LINGO1: variants seen among roughly 807,000 people sequenced by gnomAD.
LINGO1 encodes the protein leucine-rich repeat and immunoglobulin-like domain-containing nogo receptor-interacting protein 1.
Under a neutral mutation model 37.3 loss-of-function variants are expected in LINGO1, and 11 were observed. That is an observed-to-expected ratio of 0.29 (90% CI 0.19 to 0.49). LINGO1 has a LOEUF of 0.49. Ranked by LOEUF, LINGO1 falls within the 20% of genes least tolerant of loss-of-function variation. LINGO1 has a pLI of 0.99. For missense variants in LINGO1, 585 were observed against 878.2 expected (o/e 0.67, Z 4.22); for synonymous variants, 387 against 403.0 (o/e 0.96, Z 0.48).
intron 1 of LINGO1, among the ~76,000 whole-genome samples, chr15:77,801,571 A>G (rs1239595969): frequency 6.9e-6 from 1 of 144,966 alleles, no homozygotes; most frequent in African/African-American, 2.6e-5. Flanking sequence ...TCAGAAAAAC[A>G]AAATCAATAA....
intron 1 of LINGO1, among the ~76,000 whole-genome samples, chr15:77,770,784 G>A (rs1481085047): frequency 6.6e-6 from 1 of 152,150 alleles, no homozygotes; most frequent in African/African-American, 2.4e-5. Context: ...ACTGGCCAAG[G>A]CCAGGGACAC....
intron 2 of LINGO1, among the ~76,000 whole-genome samples, chr15:77,713,034 TTTTGTTTG>T (rs1008596868): frequency 7.2e-5 from 11 of 152,076 alleles, no homozygotes; most frequent in South Asian, 2.1e-4. Flanking sequence ...GGTTTTGGTT[TTTTGTTTG>T]TTTGTTTGTT....
intron 2 of LINGO1, among the ~76,000 whole-genome samples, chr15:77,794,639 G>A (rs560632893): frequency 7.5e-5 from 11 of 146,182 alleles, no homozygotes; most frequent in Admixed American, 2.1e-4. Flanking sequence ...CCAGGCTGGA[G>A]TGCAGTGGCG....
intron 1 of LINGO1, among the ~76,000 whole-genome samples, chr15:77,760,499 T>A (rs935711784): frequency 6.6e-6 from 1 of 152,232 alleles, no homozygotes; most frequent in African/African-American, 2.4e-5. Flanking sequence ...CTGGTTTCTC[T>A]TGGAAAAGTT....
intron 2 of LINGO1, among the ~76,000 whole-genome samples, chr15:77,688,745 A>C (rs2075554835): frequency 6.6e-6 from 1 of 152,264 alleles, no homozygotes; most frequent in African/African-American, 2.4e-5. Context: ...ACATGCTGAA[A>C]AACAAAGGAA....
At chr15:77,690,150 T>C (rs2075578669) in intron 2 of LINGO1, among the ~76,000 whole-genome samples, 1 of 152,138 alleles carries the variant, frequency 6.6e-6, no homozygotes, top group South Asian at 2.1e-4. Context: ...TAAGATTCCT[T>C]TGGGAAACGC....
At chr15:77,818,858 C>T (rs1309128492) in intron 1 of LINGO1, among the ~76,000 whole-genome samples, 1 of 151,592 alleles carries the variant, frequency 6.6e-6, no homozygotes, top group East Asian at 2.0e-4. Context: ...TGGAGGCGCA[C>T]CCCTCCGCCC....
chr15:77,619,873 G>A (rs954038461), intron 1 of LINGO1, among the ~76,000 whole-genome samples: 2 of 152,188 alleles, frequency 1.3e-5, no homozygotes, highest in African/African-American at 4.8e-5. Flanking sequence ...GGGAGTGTAC[G>A]GGCTCTGAGA....
At chr15:77,692,510 A>C (rs542747264) in intron 1 of LINGO1, among the ~76,000 whole-genome samples, 4 of 152,356 alleles carry the variant, frequency 2.6e-5, no homozygotes, top group Non-Finnish European at 5.9e-5. Flanking sequence ...TAGCAAGGAA[A>C]AGGTTTTTTA....
At chr15:77,799,127 T>C (rs191640608) in intron 1 of LINGO1, among the ~76,000 whole-genome samples, 69 of 152,270 alleles carry the variant, frequency 4.5e-4, no homozygotes, top group Non-Finnish European at 7.2e-4. Context: ...GGTCTCCTCT[T>C]CCCCAGACCT....
intron 1 of LINGO1, among the ~76,000 whole-genome samples, chr15:77,806,445 G>C (rs2076960332): frequency 6.6e-6 from 1 of 152,128 alleles, no homozygotes; most frequent in Non-Finnish European, 1.5e-5. Flanking sequence ...CAGCAGCCTG[G>C]GTTCAAATCC....
intron 1 of LINGO1, among the ~76,000 whole-genome samples, chr15:77,777,464 C>CTTTT (rs748647290): frequency 4.2e-5 from 5 of 118,706 alleles, no homozygotes; most frequent in African/African-American, 2.1e-4. Context: ...TATACACACA[C>CTTTT]GCACACACAC....
rs2076225679 is a variant in LINGO1 at position 77,738,583 on chromosome 15, A to G, written c.-256-3530T>C. Among the ~76,000 whole-genome samples, 4 of 152,238 alleles carry G rather than the reference A, an allele frequency of 2.6e-5. No individual in the cohort carries two copies. The South Asian group carries it at 8.3e-4, about 32-fold the overall frequency. ...TTTCTAAGCATTTCCTCCGCCTGAC[A>G]TTATATTGTCTATTTATGTGTGGCC... is the stretch of plus-strand genomic sequence containing the variant. On this transcript the variant is annotated intron_variant, in intron 1 of 3. Transcript: ENST00000561686.
intron 1 of LINGO1, among the ~76,000 whole-genome samples, chr15:77,782,453 C>T (rs2076729230): frequency 6.6e-6 from 1 of 152,174 alleles, no homozygotes; most frequent in East Asian, 1.9e-4. Flanking sequence ...TGAGATGACC[C>T]ACATATTAGG....
At chr15:77,780,971 G>C (rs1277269632) in intron 1 of LINGO1, among the ~76,000 whole-genome samples, 2 of 152,078 alleles carry the variant, frequency 1.3e-5, no homozygotes, top group African/African-American at 4.8e-5. Flanking sequence ...AGATGAAGAA[G>C]TCAAGGAGAG....
intron 3 of LINGO1, among the ~76,000 whole-genome samples, chr15:77,644,203 GTC>G (rs1482382350): frequency 6.6e-6 from 1 of 152,202 alleles, no homozygotes; most frequent in Non-Finnish European, 1.5e-5. Flanking sequence ...TGTGTGTGGT[GTC>G]TCTGTCGTGT....
At chr15:77,746,561 G>A (rs2076316791) in intron 1 of LINGO1, among the ~76,000 whole-genome samples, 1 of 152,182 alleles carries the variant, frequency 6.6e-6, no homozygotes, top group Non-Finnish European at 1.5e-5. Context: ...TTGCCCCCAT[G>A]CCACAGAAGT....
At chr15:77,773,633 C>A (rs2076607593) in intron 1 of LINGO1, among the ~76,000 whole-genome samples, 1 of 152,158 alleles carries the variant, frequency 6.6e-6, no homozygotes, top group Non-Finnish European at 1.5e-5. Context: ...CACAAGCGAC[C>A]CTGGAGACAG....
chr15:77,714,298 G>C (rs58801068), intron 2 of LINGO1, among the ~76,000 whole-genome samples: 23,306 of 151,956 alleles, frequency 0.15, 2,140 homozygotes, highest in Admixed American at 0.3. Context: ...CATCATGTCT[G>C]CCTCACTCTC....
Sources: gnomAD v4.1 joint callset for allele counts (sites outside exome capture counted in the v4.1 genomes callset) on GRCh38, gnomAD v4.1.1 for gene constraint, MANE v1.5 for transcripts, NCBI Gene and HGNC (gene_info 2026-07-23, HGNC 2026-07-21) for gene names.